PCDHA6: variants seen among roughly 807,000 people sequenced by gnomAD.
PCDHA6 encodes the protein protocadherin alpha 6.
Under a neutral mutation model 60.3 loss-of-function variants are expected in PCDHA6, and 55 were observed. The ratio of observed to expected loss-of-function variants is 0.91; its 90% CI spans 0.73 to 1.14. PCDHA6 has a LOEUF of 1.14. Ranked by LOEUF, PCDHA6 falls within the 50% of genes most tolerant of loss-of-function variation. PCDHA6 has a pLI of 0.00. For synonymous variants in PCDHA6, 652 were observed against 557.9 expected (o/e 1.17, Z -2.38); for missense variants, 1,327 against 1,256.5 (o/e 1.06, Z -0.85).
intron 1 of PCDHA6, chr5:140,835,971 C>A: frequency 1.2e-6 from 2 of 1,613,332 alleles, no homozygotes; most frequent in African/African-American, 1.3e-5. Context: ...GGAGCTGGAG[C>A]TGTTGCAGTT....
chr5:140,897,781 T>G (rs1437567567), intron 1 of PCDHA6, among the ~76,000 whole-genome samples: 1 of 152,172 alleles, frequency 6.6e-6, no homozygotes, highest in East Asian at 1.9e-4. Flanking sequence ...TCCACAATGG[T>G]TGAACTAGTT....
At chr5:140,839,261 T>A (rs1477628159) in intron 1 of PCDHA6, among the ~76,000 whole-genome samples, 1 of 152,104 alleles carries the variant, frequency 6.6e-6, no homozygotes, top group African/African-American at 2.4e-5. Context: ...CTTACATGCA[T>A]GTATATTTAA....
rs375305711 is a variant in PCDHA6 at position 140,857,742 on chromosome 5, T to C, written c.2394+27257T>C. 63 of 1,597,390 alleles carry C rather than the reference T, an allele frequency of 3.9e-5. No homozygotes were observed. In the East Asian group the frequency reaches 5.1e-4, roughly 13 times the overall value. On this transcript the variant is annotated intron_variant, in intron 1 of 3. Coordinates refer to ENST00000529310, the MANE Select transcript of PCDHA6 (RefSeq NM_018909.4). Reference sequence around the variant, plus strand: ...GAGAACGACAACGCTCCCGCGCTGCTGGCGTCTCCCGCTGGCAGCGCGGGC... The same window carrying C: ...GAGAACGACAACGCTCCCGCGCTGCCGGCGTCTCCCGCTGGCAGCGCGGGC...
chr5:140,868,562 A>C (rs2153231296), intron 1 of PCDHA6: 1 of 152,960 alleles, frequency 6.5e-6, no homozygotes, highest in South Asian at 2.1e-4. Flanking sequence ...TTTTTATATG[A>C]GGAACAACAC....
intron 1 of PCDHA6, chr5:140,849,440 A>G: frequency 6.3e-7 from 1 of 1,584,040 alleles, no homozygotes; most frequent in Non-Finnish European, 8.6e-7. Flanking sequence ...AAAGTAGAGC[A>G]CACAAGATCC....
intron 1 of PCDHA6, among the ~76,000 whole-genome samples, chr5:140,873,728 T>A (rs1208346643): frequency 6.6e-6 from 1 of 152,190 alleles, no homozygotes; most frequent in African/African-American, 2.4e-5. Flanking sequence ...TGGCGCAATC[T>A]CAGCTCACTG....
At chr5:140,883,667 A>G in intron 1 of PCDHA6, 1 of 1,613,568 alleles carries the variant, frequency 6.2e-7, no homozygotes. Context: ...CGTGAAGGAA[A>G]ACAATCCGCC....
At chr5:140,968,995 A>G in intron 1 of PCDHA6, 2 of 1,614,200 alleles carry the variant, frequency 1.2e-6, no homozygotes, top group Non-Finnish European at 1.7e-6. Flanking sequence ...CATGCTGTGG[A>G]GGCTTCTGTG....
intron 1 of PCDHA6, among the ~76,000 whole-genome samples, chr5:140,838,563 G>A (rs1007641143): frequency 9.9e-5 from 15 of 151,752 alleles, no homozygotes; most frequent in Non-Finnish European, 1.9e-4. Context: ...ATCCAGTACT[G>A]TATTAGGGAC....
In PCDHA6 at chr5:140,852,860, T is replaced by C. The variant is rs2150523334; in HGVS notation, c.2394+22375T>C. On this transcript the variant is annotated intron_variant, in intron 1 of 3. Transcript: ENST00000529310. ...GAGCTAGTACTTACTAAGCATTTAC[T>C]ATGTCATCAATAATCATAAAACGTA... is the stretch of plus-strand genomic sequence containing the variant. 26 of 961,500 alleles carry C rather than the reference T, an allele frequency of 2.7e-5. 2 individuals are homozygous for C. Among genetic ancestry groups the C allele is most frequent in the Admixed American group, 1.9e-4 (3 of 15,764 alleles). 59.6% of individuals were successfully genotyped at this position (961,500 alleles called of 1,614,324 possible).
At chr5:140,922,866 G>GA (rs557650266) in intron 1 of PCDHA6, among the ~76,000 whole-genome samples, 1 of 152,096 alleles carries the variant, frequency 6.6e-6, no homozygotes. Flanking sequence ...TAGACAAGGG[G>GA]AAAAAATCCA....
At chr5:140,876,135 A>T (rs782217370) in intron 1 of PCDHA6, 2 of 1,613,954 alleles carry the variant, frequency 1.2e-6, no homozygotes, top group Admixed American at 3.3e-5. Context: ...GTAAACCAGA[A>T]CTAACAGGGT....
At chr5:141,007,426 G>A (rs1255100179) in intron 3 of PCDHA6, among the ~76,000 whole-genome samples, 4 of 151,118 alleles carry the variant, frequency 2.6e-5, no homozygotes, top group Non-Finnish European at 5.9e-5. Flanking sequence ...AAATTAGCCA[G>A]GCATGGTGGC....
rs782731827 is a variant in PCDHA6, at chr5:140,830,246, A to C, written c.2155A>C (p.Thr719Pro). The C allele has an allele frequency of 1.9e-6, 3 of 1,613,762 alleles. No homozygotes were observed. Among genetic ancestry groups the C allele is most frequent in the Admixed American group, 3.3e-5 (2 of 60,000 alleles). ...GCTGGTCCTCACGCTACTGCTGTACACAGCGCTGCGGTGCTCGGCGCCACC... is the reference window on the plus strand; with the variant it reads ...GCTGGTCCTCACGCTACTGCTGTACCCAGCGCTGCGGTGCTCGGCGCCACC... ...SLLVLTLLLY[T>P]ALRCSAPPTE... is the part of the protein sequence containing the mutation. The change falls in exon 1 of 4, where the codon ACA becomes CCA. Residue 719 changes from threonine to proline, a missense_variant. Thr to Pro is a conservative substitution (Grantham distance 38, BLOSUM62 -1). Transcript: ENST00000529310.
In PCDHA6 at chr5:140,830,180, A is replaced by G. The variant is rs1770875458; in HGVS notation, c.2089A>G (p.Asn697Asp). The G allele has an allele frequency of 6.2e-7, 1 of 1,613,474 alleles. No homozygotes were observed. The highest frequency in any genetic ancestry group is 1.1e-5 in the South Asian group (1 of 91,076). The change falls in exon 1 of 4, where the codon AAC (asparagine) becomes GAC (aspartate). Residue 697 changes from asparagine to aspartate, a missense_variant. Transcript: ENST00000529310. ...AGPEAALVDV[N>D]VYLIIAICAV... is the part of the protein sequence containing the mutation. ...CCCAGAGGCGGCGCTGGTGGATGTC[A>G]ACGTGTACCTGATCATCGCCATCTG...
At chr5:140,878,923 A>G (rs895670993) in intron 1 of PCDHA6, among the ~76,000 whole-genome samples, 8 of 152,222 alleles carry the variant, frequency 5.3e-5, no homozygotes, top group African/African-American at 1.9e-4. Flanking sequence ...AGCTTCAATC[A>G]ATAATTTTAA....
intron 1 of PCDHA6, chr5:140,928,717 T>C: frequency 6.2e-7 from 1 of 1,614,208 alleles, no homozygotes; most frequent in Non-Finnish European, 8.5e-7. Context: ...CTCTAGTCTC[T>C]TTAGAATTTC....
At position 140,992,594 on chromosome 5, in the gene PCDHA6, G is replaced by T. The variant is rs782416770; in HGVS notation, c.2542+10031G>T. On this transcript the variant is annotated intron_variant, in intron 3 of 3. Coordinates refer to ENST00000529310, the MANE Select transcript of PCDHA6 (RefSeq NM_018909.4). ...ATTGCCTGCCTTGTATGCATCTAGC[G>T]TCTGTGTCTAAGTGAAAGCAGATTA... Among the ~76,000 whole-genome samples, 5 of 152,266 alleles carry T rather than the reference G, an allele frequency of 3.3e-5. No individual in the cohort carries two copies. The East Asian group carries it at 7.7e-4, about 24-fold the overall frequency.
In PCDHA6 at chr5:140,829,367, A is replaced by G. The variant is rs1190991665; in HGVS notation, c.1276A>G (p.Thr426Ala). Reference protein sequence around the residue: ...ESVSAYELVVTARDGGSPSLW... With the variant: ...ESVSAYELVVAARDGGSPSLW... ...CGTGTCGGCCTATGAGTTGGTGGTA[A>G]CCGCGCGGGACGGGGGCTCGCCTTC... Residue 426 changes from threonine to alanine, a missense_variant, in exon 1 of 4, where the codon ACC becomes GCC. Thr to Ala is a moderately conservative substitution (Grantham distance 58). Coordinates refer to ENST00000529310, the MANE Select transcript of PCDHA6 (RefSeq NM_018909.4). 6 of 1,614,046 alleles carry G rather than the reference A, an allele frequency of 3.7e-6. No individual in the cohort carries two copies. Among genetic ancestry groups the G allele is most frequent in the Non-Finnish European group, 5.1e-6 (6 of 1,180,044 alleles).
Sources: allele counts gnomAD v4.1 joint callset (sites outside exome capture counted in the v4.1 genomes callset), GRCh38; gene constraint gnomAD v4.1.1; transcripts MANE v1.5; gene names NCBI Gene and HGNC (gene_info 2026-07-23, HGNC 2026-07-21).